The following TLK2 variants were observed in gnomAD, a reference collection of about 807,000 sequenced individuals.
The protein encoded by TLK2 is serine/threonine-protein kinase tousled-like 2.
Under a neutral mutation model 117.3 loss-of-function variants are expected in TLK2, and 6 were observed. That is an observed-to-expected ratio of 0.05 (90% CI 0.03 to 0.10). The LOEUF (loss-of-function observed/expected upper bound fraction) is 0.10, where lower values mean the gene tolerates loss of function less well. TLK2 is among the 10% of genes least tolerant of loss of function. The pLI is 1.00. For missense variants in TLK2, 299 were observed against 901.2 expected, an observed-to-expected ratio of 0.33 and a Z score of 8.56; for synonymous variants, 257 against 316.7, an observed-to-expected ratio of 0.81 and a Z score of 2.00.
intron 13 of TLK2, 23 bp from the exon 14 acceptor site, chr17:62,578,454 T>C (rs768675276): frequency 6.2e-7 from 1 of 1,600,388 alleles, no homozygotes; most frequent in South Asian, 1.1e-5. Flanking sequence ...TATTTTGTGC[T>C]ATTTCTTTCC....
intron 9 of TLK2, among the ~76,000 whole-genome samples, chr17:62,554,731 A>G (rs994132122): frequency 4.6e-5 from 7 of 151,940 alleles, no homozygotes; most frequent in African/African-American, 1.7e-4. Context: ...AGAATACAAA[A>G]TTTGCCAGGC....
chr17:62,551,977 A>G (rs1389345622), intron 7 of TLK2: 3 of 347,134 alleles, frequency 8.6e-6, no homozygotes, highest in East Asian at 7.7e-5. Flanking sequence ...TGACTAAAGC[A>G]TATGAAAATA....
At chr17:62,516,793 G>A (rs990163204) in intron 2 of TLK2, 18 of 1,405,278 alleles carry the variant, frequency 1.3e-5, no homozygotes, top group African/African-American at 8.5e-5. Context: ...GTCCGGGGCC[G>A]GGGCTGGAAA....
At chr17:62,562,989 G>T (rs975398025) in intron 10 of TLK2, among the ~76,000 whole-genome samples, 2 of 152,094 alleles carry the variant, frequency 1.3e-5, no homozygotes, top group Non-Finnish European at 2.9e-5. Flanking sequence ...GTCCATAAAA[G>T]TACTTGTATG....
In TLK2 at chr17:62,522,257, A is replaced by G. The variant is rs758241244; in HGVS notation, c.207A>G (p.Pro69=). ...DQRNRKRKAE[P]YETSQGKGTP... is the part of the protein sequence containing the mutation. ...GAAATCGGAAAAGAAAAGCTGAACC[A>G]TATGAAACTAGCCAAGGTAGTAATA... The change falls in exon 4 of 22, where the codon CCA becomes CCG. Residue 69 remains proline, a synonymous_variant. Transcript: ENST00000346027. 14 of 1,613,214 alleles carry G rather than the reference A, an allele frequency of 8.7e-6. No homozygotes were observed. In the South Asian group the frequency reaches 1.4e-4, roughly 16 times the overall value.
At chr17:62,499,400 A>G (rs2073996621) in intron 2 of TLK2, among the ~76,000 whole-genome samples, 1 of 151,366 alleles carries the variant, frequency 6.6e-6, no homozygotes, top group African/African-American at 2.4e-5. Context: ...CCTGGGTTCA[A>G]GTGATTCGCC....
At chr17:62,563,677 AC>A (rs1223344021) in intron 10 of TLK2, among the ~76,000 whole-genome samples, 2 of 152,172 alleles carry the variant, frequency 1.3e-5, no homozygotes, top group Non-Finnish European at 2.9e-5. Context: ...ACTTAGAATT[AC>A]CAATTAATAT....
At position 62,574,541 on chromosome 17, in the gene TLK2, G is replaced by A. The variant is rs9900837; in HGVS notation, c.1121+1174G>A. ...TGTTGTTGTTTTTTTTTTTTGAGAC[G>A]AAGTCTCACTCCGTCGCCCAGGCCA... On this transcript the variant is annotated intron_variant, in intron 12 of 21. Coordinates refer to ENST00000346027, the MANE Select transcript of TLK2 (RefSeq NM_006852.6). The A allele has an allele frequency of 5.3e-3, 3,313 of 623,192 alleles. 81 individuals are homozygous for A. The African/African-American group carries it at 0.054, about 10-fold the overall frequency. 38.6% of individuals were successfully genotyped at this position (623,192 alleles called of 1,614,324 possible). A position where few individuals can be genotyped will look rare whatever the true frequency, so the allele number is the denominator to read the frequency against.
intron 2 of TLK2, among the ~76,000 whole-genome samples, chr17:62,505,736 G>A (rs2074630290): frequency 6.6e-6 from 1 of 152,094 alleles, no homozygotes; most frequent in South Asian, 2.1e-4. Context: ...ACCAATTCCA[G>A]GCTGGAGCGC....
rs780656799 is a variant in TLK2, at chr17:62,612,543, C to T, written c.2231C>T (p.Ser744Phe). ...GCTATTGCATCAACCTCTGGGGCGT[C>T]CAATAACAGTTCTTCTAATTGAGAC... ...GAAIASTSGASNNSSSN is the reference protein window; with the variant it reads ...GAAIASTSGAFNNSSSN The change falls in exon 22 of 22, where the codon TCC (serine) becomes TTC (phenylalanine). Residue 744 changes from serine to phenylalanine, a missense_variant. Physicochemically the swap from Ser to Phe is radical, Grantham distance 155. Transcript: ENST00000346027. 6.2e-7 allele frequency: 1 copy of T among 1,613,308 alleles called. No homozygotes were observed. The highest frequency in any genetic ancestry group is 1.1e-5 in the South Asian group (1 of 90,948).
intron 2 of TLK2, among the ~76,000 whole-genome samples, chr17:62,484,271 C>T (rs1460200168): frequency 6.6e-6 from 1 of 151,540 alleles, no homozygotes; most frequent in Admixed American, 6.6e-5. Flanking sequence ...TTTGCAGAGC[C>T]GGGAAAAGAA....
intron 16 of TLK2, among the ~76,000 whole-genome samples, chr17:62,596,264 C>T (rs925072279): frequency 3.9e-5 from 6 of 151,976 alleles, no homozygotes; most frequent in African/African-American, 1.2e-4. Context: ...TTAGTAGAGA[C>T]GGGGTTTCAC....
intron 7 of TLK2, among the ~76,000 whole-genome samples, chr17:62,541,264 C>T (rs2077513385): frequency 6.6e-6 from 1 of 152,260 alleles, no homozygotes. Context: ...TGTCTGACTT[C>T]CCCCCACTGG....
intron 6 of TLK2, among the ~76,000 whole-genome samples, chr17:62,529,235 T>C (rs1159230926): frequency 6.6e-6 from 1 of 152,208 alleles, no homozygotes; most frequent in Non-Finnish European, 1.5e-5. Context: ...GCTTTATTTT[T>C]TAATTTTAAT....
chr17:62,608,493 G>GT (rs1568019842), intron 21 of TLK2, among the ~76,000 whole-genome samples: 1 of 152,198 alleles, frequency 6.6e-6, no homozygotes, highest in East Asian at 1.9e-4. Flanking sequence ...CAGGGATTAT[G>GT]ATTAATTTGG....
intron 2 of TLK2, among the ~76,000 whole-genome samples, chr17:62,511,340 ATAAT>A (rs1329289860): frequency 2.0e-5 from 3 of 152,302 alleles, no homozygotes; most frequent in South Asian, 4.1e-4. Context: ...TCATTATTTC[ATAAT>A]TAATATATAT....
At chr17:62,589,321 G>A (rs2081899227) in intron 16 of TLK2, among the ~76,000 whole-genome samples, 1 of 152,228 alleles carries the variant, frequency 6.6e-6, no homozygotes, top group African/African-American at 2.4e-5. Flanking sequence ...GTATGCTTTT[G>A]TATGATACTC....
intron 14 of TLK2, among the ~76,000 whole-genome samples, chr17:62,578,791 A>G (rs2081001330): frequency 6.6e-6 from 1 of 152,198 alleles, no homozygotes; most frequent in Non-Finnish European, 1.5e-5. Flanking sequence ...TTAAGTATAT[A>G]TGTGTATACA....
intron 10 of TLK2, among the ~76,000 whole-genome samples, chr17:62,562,642 A>G (rs533256627): frequency 6.6e-6 from 1 of 152,318 alleles, no homozygotes; most frequent in East Asian, 1.9e-4. Context: ...ACTAGAAATA[A>G]AAAAAACCTG....
Sources: gnomAD v4.1 joint callset for allele counts (sites outside exome capture counted in the v4.1 genomes callset) on GRCh38, gnomAD v4.1.1 for gene constraint, MANE v1.5 for transcripts, NCBI Gene and HGNC (gene_info 2026-07-23, HGNC 2026-07-21) for gene names.